MEI4: variants seen among roughly 807,000 people sequenced by gnomAD.
The protein encoded by MEI4 is meiosis-specific protein MEI4.
A neutral mutation model predicts 31.4 loss-of-function variants in MEI4; 27 were observed. That is an observed-to-expected ratio of 0.86 (90% CI 0.63 to 1.19). The LOEUF is 1.19. MEI4 is among the 50% of genes most tolerant of loss of function. The pLI, the probability that MEI4 is intolerant of heterozygous loss-of-function variation, is 0.00. For synonymous variants in MEI4, 122 were observed against 145.4 expected (o/e 0.84, Z 1.16); for missense variants, 329 against 398.9 (o/e 0.82, Z 1.49).
intron 4 of MEI4, among the ~76,000 whole-genome samples, chr6:77,909,988 G>A (rs1766394150): frequency 6.6e-6 from 1 of 151,994 alleles, no homozygotes; most frequent in East Asian, 1.9e-4. Flanking sequence ...TGCAGAAAAG[G>A]CCTTTGACAA....
In MEI4 at chr6:77,690,767, C is replaced by T. The variant is rs1249919643; in HGVS notation, c.96C>T (p.Tyr32=). ...CAGCAGACAAAAGCAGCAGAGAATA[C>T]ACAGAGCACCTTGCTATGTTGCTGT... ...SKPADKSSRE[Y]TEHLAMLLSE... The change falls in exon 2 of 5, where the codon TAC becomes TAT. Residue 32 remains tyrosine (Y), a synonymous_variant. Transcript: ENST00000684080. 3.2e-6 allele frequency: 4 copies of T among 1,231,500 alleles called. No homozygotes were observed. The highest frequency in any genetic ancestry group is 4.1e-5 in the South Asian group (1 of 24,320). The allele number at this position is 1,231,500 out of a possible 1,614,324, so 76.3% of individuals were successfully genotyped here.
chr6:77,713,638 G>A (rs2127660811), intron 2 of MEI4, among the ~76,000 whole-genome samples: 1 of 152,248 alleles, frequency 6.6e-6, no homozygotes, highest in East Asian at 1.9e-4. Context: ...AGAAAATGTA[G>A]GAATTCAGGT....
chr6:77,771,387 C>T (rs1561982322), intron 3 of MEI4, among the ~76,000 whole-genome samples: 1 of 148,144 alleles, frequency 6.8e-6, no homozygotes, highest in Non-Finnish European at 1.5e-5. Context: ...TGGTGATTTT[C>T]TAAAGAACTA....
At chr6:77,863,531 G>T (rs973305279) in intron 4 of MEI4, among the ~76,000 whole-genome samples, 2 of 151,808 alleles carry the variant, frequency 1.3e-5, no homozygotes, top group Non-Finnish European at 2.9e-5. Flanking sequence ...AAAGTTTAGA[G>T]AAAAAAGAAA....
intron 3 of MEI4, among the ~76,000 whole-genome samples, chr6:77,786,100 A>G (rs1768728541): frequency 6.6e-6 from 1 of 152,270 alleles, no homozygotes; most frequent in East Asian, 1.9e-4. Flanking sequence ...AAATAAAAAA[A>G]TTATGGAATG....
At chr6:77,682,011 G>T (rs1582018462) in intron 1 of MEI4, among the ~76,000 whole-genome samples, 1 of 152,148 alleles carries the variant, frequency 6.6e-6, no homozygotes, top group Admixed American at 6.5e-5. Context: ...CAATAATTAG[G>T]AAATTTGTCA....
intron 2 of MEI4, among the ~76,000 whole-genome samples, chr6:77,733,806 C>G (rs1378031656): frequency 6.6e-6 from 1 of 151,904 alleles, no homozygotes; most frequent in African/African-American, 2.4e-5. Context: ...TGAATGTGTC[C>G]CAGAGATTCT....
At chr6:77,856,473 T>C (rs572865512) in intron 4 of MEI4, among the ~76,000 whole-genome samples, 5 of 152,188 alleles carry the variant, frequency 3.3e-5, no homozygotes, top group Non-Finnish European at 5.9e-5. Context: ...AGGACAGGCT[T>C]CATGAAATTA....
intron 4 of MEI4, among the ~76,000 whole-genome samples, chr6:77,873,325 G>A (rs1182572169): frequency 2.0e-5 from 3 of 152,188 alleles, no homozygotes; most frequent in African/African-American, 4.8e-5. Context: ...CCTCATTGTG[G>A]TTTTGATTGG....
intron 4 of MEI4, among the ~76,000 whole-genome samples, chr6:77,913,959 A>G (rs1049800316): frequency 1.4e-4 from 21 of 150,982 alleles, no homozygotes; most frequent in Admixed American, 7.3e-4. Flanking sequence ...GCGTGAATCC[A>G]GGAGGTGGAG....
intron 4 of MEI4, among the ~76,000 whole-genome samples, chr6:77,832,714 G>A (rs770816927): frequency 1.3e-5 from 2 of 151,968 alleles, no homozygotes; most frequent in Non-Finnish European, 1.5e-5. Flanking sequence ...CCAGTCTGTT[G>A]AACCCACAAA....
At chr6:77,792,110 A>T (rs988667373) in intron 3 of MEI4, among the ~76,000 whole-genome samples, 1 of 152,168 alleles carries the variant, frequency 6.6e-6, no homozygotes, top group Non-Finnish European at 1.5e-5. Context: ...ATGTTATTGC[A>T]GATGACAGGA....
At chr6:77,845,360 C>T (rs1027480139) in intron 4 of MEI4, among the ~76,000 whole-genome samples, 4 of 152,102 alleles carry the variant, frequency 2.6e-5, no homozygotes, top group African/African-American at 9.7e-5. Flanking sequence ...GTCTATGTGT[C>T]TACATGTGTC....
chr6:77,907,000 T>G (rs1450159177), intron 4 of MEI4, among the ~76,000 whole-genome samples: 1 of 138,468 alleles, frequency 7.2e-6, no homozygotes, highest in East Asian at 2.3e-4. Context: ...CATTCTTATG[T>G]TGATAGATGC....
intron 2 of MEI4, among the ~76,000 whole-genome samples, chr6:77,751,562 C>T (rs965770922): frequency 2.0e-5 from 3 of 152,032 alleles, no homozygotes; most frequent in Non-Finnish European, 2.9e-5. Flanking sequence ...CGAGACTAAA[C>T]CAGGAAAACA....
intron 2 of MEI4, among the ~76,000 whole-genome samples, chr6:77,696,624 C>A (rs1401897032): frequency 6.6e-6 from 1 of 151,486 alleles, no homozygotes; most frequent in Non-Finnish European, 1.5e-5. Context: ...CCCACTTGAT[C>A]ATGGTGGATA....
chr6:77,850,614 A>G (rs1377115714), intron 4 of MEI4, among the ~76,000 whole-genome samples: 1 of 152,206 alleles, frequency 6.6e-6, no homozygotes, highest in Non-Finnish European at 1.5e-5. Flanking sequence ...TCTTTTCCTT[A>G]CACCTTATAC....
intron 4 of MEI4, among the ~76,000 whole-genome samples, chr6:77,884,598 T>C (rs1040998632): frequency 6.6e-6 from 1 of 152,212 alleles, no homozygotes; most frequent in African/African-American, 2.4e-5. Context: ...CAGCACCATT[T>C]ATTGAAGAGA....
Position 77,694,654 on chromosome 6 carries a change from G to A in MEI4, c.232+3751G>A, listed in dbSNP as rs540139819. Reference sequence around the variant, plus strand: ...ATATGTGCCACATTTTCTTAATCCAGTCTATCGTTGTTGGACATTTGGCTT... The same window carrying A: ...ATATGTGCCACATTTTCTTAATCCAATCTATCGTTGTTGGACATTTGGCTT... On this transcript the variant is annotated intron_variant, in intron 2 of 4. Transcript: ENST00000684080. Among the ~76,000 whole-genome samples the A allele has an allele frequency of 2.2e-3, 331 of 152,172 alleles. 1 individual carries two copies. The highest frequency in any genetic ancestry group is 6.2e-3 in the Admixed American group (95 of 15,290).
Sources: gnomAD v4.1 joint callset for allele counts (sites outside exome capture counted in the v4.1 genomes callset) on GRCh38, gnomAD v4.1.1 for gene constraint, MANE v1.5 for transcripts, NCBI Gene and HGNC (gene_info 2026-07-23, HGNC 2026-07-21) for gene names.